MAMLD1: variants seen among roughly 807,000 people sequenced by gnomAD.
MAMLD1 encodes mastermind-like domain-containing protein 1.
A neutral mutation model predicts 45.0 loss-of-function variants in MAMLD1; 14 were observed. That is an observed-to-expected ratio of 0.31 (90% confidence interval 0.21 to 0.49). The LOEUF (loss-of-function observed/expected upper bound fraction) is 0.49, where lower values mean the gene tolerates loss of function less well. Among genes scored for constraint, MAMLD1 ranks in the 20% least tolerant of loss-of-function variants. The pLI, the probability that MAMLD1 is intolerant of heterozygous loss-of-function variation, is 0.99. For synonymous variants in MAMLD1, 254 were observed against 247.8 expected (o/e 1.02, Z -0.24); for missense variants, 543 against 603.6 (o/e 0.90, Z 1.05).
intron 2 of MAMLD1, among the ~76,000 whole-genome samples, chrX:150,454,793 C>G (rs1288705393): frequency 9.0e-6 from 1 of 110,719 alleles, no homozygotes; most frequent in African/African-American, 3.3e-5. Flanking sequence ...CTACCACCAC[C>G]CTTTAAATCA....
chrX:150,453,555 TG>T (rs781876144), intron 2 of MAMLD1, among the ~76,000 whole-genome samples: 1 of 111,831 alleles, frequency 8.9e-6, no homozygotes, highest in East Asian at 2.8e-4. Flanking sequence ...CCCCTAAAAG[TG>T]TTTCTTTTCC....
intron 1 of MAMLD1, among the ~76,000 whole-genome samples, chrX:150,382,885 A>ATTTTATTTTTT (rs2032699627): frequency 2.4e-5 from 1 of 41,191 alleles, no homozygotes; most frequent in Non-Finnish European, 3.8e-5. Flanking sequence ...ATTTTATTTT[A>ATTTTATTTTTT]TTTTTTTTTT....
chrX:150,368,532 G>A (rs1294493765), intron 1 of MAMLD1, among the ~76,000 whole-genome samples: 1 of 111,024 alleles, frequency 9.0e-6, no homozygotes, highest in Non-Finnish European at 1.9e-5. Context: ...TCTGATGGTA[G>A]TTTCTTTTGC....
intron 1 of MAMLD1, among the ~76,000 whole-genome samples, chrX:150,398,865 T>C (rs2033634484): frequency 9.0e-6 from 1 of 111,350 alleles, no homozygotes; most frequent in Non-Finnish European, 1.9e-5. Flanking sequence ...TCTTCCCTTA[T>C]CAGAATCTCA....
chrX:150,391,172 C>A (rs1557402169), intron 1 of MAMLD1, among the ~76,000 whole-genome samples: 1 of 111,711 alleles, frequency 9.0e-6, no homozygotes, highest in African/African-American at 3.3e-5. Flanking sequence ...ATGTTTAGAT[C>A]CCTCAGATTC....
rs1199379233 is a variant in MAMLD1, at chrX:150,398,322, AGAAGAAGAAGAAGAAGAAGAG to A, written c.-64+34798_-64+34818del. Among the ~76,000 whole-genome samples, 521 of 91,102 alleles carry A rather than the reference AGAAGAAGAAGAAGAAGAAGAG, an allele frequency of 5.7e-3. 1 individual carries two copies. The highest frequency in any genetic ancestry group is 7.5e-3 in the Admixed American group (63 of 8,349). The allele number at this position is 91,102 out of a possible 115,157, so 79.1% of individuals were successfully genotyped here. A position where few individuals can be genotyped will look rare whatever the true frequency, so the allele number is the denominator to read the frequency against. ...AAGAAGAAGAAGAAGAAGAAGAAGA[AGAAGAAGAAGAAGAAGAAGAG>A]GAAGAGGAAGAGGAAGAGGAAGAGG... On this transcript the variant is annotated intron_variant, in intron 1 of 7. Coordinates refer to ENST00000370401, the MANE Select transcript of MAMLD1 (RefSeq NM_005491.5).
intron 2 of MAMLD1, among the ~76,000 whole-genome samples, chrX:150,459,880 A>G (rs2035982610): frequency 9.1e-6 from 1 of 110,348 alleles, no homozygotes. Context: ...GAAGACAGGC[A>G]GGCAAGACTC....
At chrX:150,426,754 C>A (rs1489584658) in intron 1 of MAMLD1, among the ~76,000 whole-genome samples, 7 of 111,288 alleles carry the variant, frequency 6.3e-5, no homozygotes, top group Non-Finnish European at 1.3e-4. Flanking sequence ...CAGTCCCTCA[C>A]CACAGAAGAC....
chrX:150,478,611 A>G (rs1557406962), intron 5 of MAMLD1, among the ~76,000 whole-genome samples: 4 of 112,499 alleles, frequency 3.6e-5, no homozygotes, highest in African/African-American at 9.7e-5. Flanking sequence ...CTCTAGAGGA[A>G]TCTCTGTGTT....
At chrX:150,488,058 T>C (rs1557407727) in intron 5 of MAMLD1, among the ~76,000 whole-genome samples, 3 of 112,782 alleles carry the variant, frequency 2.7e-5, no homozygotes, top group African/African-American at 9.7e-5. Context: ...AACATAAGTC[T>C]TCAGAAGACA....
At chrX:150,398,252 GAGAAGAAGA>G (rs1221742768) in intron 1 of MAMLD1, among the ~76,000 whole-genome samples, 532 of 40,676 alleles carry the variant, frequency 0.013, 6 homozygotes, top group Middle Eastern at 0.056. Context: ...GGAGGAGAAG[GAGAAGAAGA>G]AGAAGAAGAA....
At position 150,398,343 on chromosome X, in the gene MAMLD1, G is replaced by GAA. The variant is rs1569564636; in HGVS notation, c.-64+34813_-64+34814insAA. ...AAGAAGAAGAAGAAGAAGAAGAAGA[G>GAA]GAAGAGGAAGAGGAAGAGGAAGAGG... On this transcript the variant is annotated intron_variant, in intron 1 of 7. Transcript: ENST00000370401. 3.3e-3 allele frequency among the ~76,000 whole-genome samples: 187 copies of GAA among 56,313 alleles called. 16 individuals are homozygous for GAA. Among genetic ancestry groups the GAA allele is most frequent in the South Asian group, 8.4e-3 (10 of 1,186 alleles). The allele number at this position is 56,313 out of a possible 115,157, so 48.9% of individuals were successfully genotyped here.
intron 2 of MAMLD1, among the ~76,000 whole-genome samples, chrX:150,447,385 G>A (rs2035524921): frequency 8.9e-6 from 1 of 111,828 alleles, no homozygotes; most frequent in Non-Finnish European, 1.9e-5. Context: ...CAGTTGAGGA[G>A]AACAAAGAAT....
At chrX:150,370,246 C>G (rs1453607221) in intron 1 of MAMLD1, among the ~76,000 whole-genome samples, 4 of 110,657 alleles carry the variant, frequency 3.6e-5, no homozygotes, top group Admixed American at 9.6e-5. Flanking sequence ...CTAGGCAGCA[C>G]CAGTCAACTG....
intron 1 of MAMLD1, among the ~76,000 whole-genome samples, chrX:150,404,253 C>G (rs1460840014): frequency 8.9e-6 from 1 of 111,937 alleles, no homozygotes; most frequent in African/African-American, 3.3e-5. Context: ...CATTGGATCT[C>G]TACTAAAGGT....
At chrX:150,408,852 C>T (rs2034057698) in intron 1 of MAMLD1, among the ~76,000 whole-genome samples, 2 of 112,331 alleles carry the variant, frequency 1.8e-5, no homozygotes, top group East Asian at 2.8e-4. Context: ...CTTGACAGTC[C>T]TGTAAGCCAC....
intron 6 of MAMLD1, among the ~76,000 whole-genome samples, chrX:150,507,079 G>A (rs782238724): frequency 1.6e-4 from 18 of 112,097 alleles, no homozygotes; most frequent in Non-Finnish European, 3.4e-4. Context: ...ATAGAACTCA[G>A]TGCTGCTTGT....
chrX:150,372,264 G>C (rs1191905851), intron 1 of MAMLD1, among the ~76,000 whole-genome samples: 1 of 112,266 alleles, frequency 8.9e-6, no homozygotes, highest in Non-Finnish European at 1.9e-5. Context: ...TTAGAAGGTA[G>C]TGTGTGTCTC....
chrX:150,396,646 G>A (rs1461593762), intron 1 of MAMLD1, among the ~76,000 whole-genome samples: 1 of 112,182 alleles, frequency 8.9e-6, no homozygotes, highest in African/African-American at 3.2e-5. Context: ...AGAAGTATGT[G>A]TATCTACTGT....
Sources: allele counts gnomAD v4.1 joint callset (sites outside exome capture counted in the v4.1 genomes callset), GRCh38; gene constraint gnomAD v4.1.1; transcripts MANE v1.5; gene names NCBI Gene and HGNC (gene_info 2026-07-23, HGNC 2026-07-21).